The following FRYL variants were observed in gnomAD, a reference collection of about 807,000 sequenced individuals.
FRYL encodes the protein protein furry homolog-like.
Under a neutral mutation model 351.2 loss-of-function variants are expected in FRYL, and 150 were observed. The observed-to-expected ratio is 0.43, with a 90% CI of 0.37 to 0.49. The LOEUF (loss-of-function observed/expected upper bound fraction) is 0.49, where lower values mean the gene tolerates loss of function less well. Ranked by LOEUF, FRYL falls within the 20% of genes least tolerant of loss-of-function variation. The pLI is 0.00. For synonymous variants in FRYL, 1,153 were observed against 1,257.1 expected, an observed-to-expected ratio of 0.92 and a Z score of 1.75; for missense variants, 3,036 against 3,619.3, an observed-to-expected ratio of 0.84 and a Z score of 4.13.
At chr4:48,578,030 G>A (rs781444965) in intron 23 of FRYL, among the ~76,000 whole-genome samples, 3 of 151,398 alleles carry the variant, frequency 2.0e-5, no homozygotes, top group Non-Finnish European at 4.4e-5. Flanking sequence ...CTCTGGGTAG[G>A]AAGTTTAAGA....
intron 4 of FRYL, among the ~76,000 whole-genome samples, chr4:48,626,121 T>C (rs531682766): frequency 5.3e-5 from 8 of 152,214 alleles, no homozygotes; most frequent in African/African-American, 1.4e-4. Flanking sequence ...AAGTTATGGT[T>C]ACAGAATAAA....
chr4:48,691,399 A>T (rs185276752), intron 2 of FRYL, among the ~76,000 whole-genome samples: 2 of 152,304 alleles, frequency 1.3e-5, no homozygotes, highest in African/African-American at 2.4e-5. Context: ...CAATTTTTTT[A>T]AAAATATATT....
chr4:48,773,684 G>T (rs1775739672), intron 1 of FRYL, among the ~76,000 whole-genome samples: 2 of 152,178 alleles, frequency 1.3e-5, no homozygotes, highest in Admixed American at 6.5e-5. Context: ...CCAGCACTTT[G>T]GGAGGCCAAG....
chr4:48,499,634 C>A lies in FRYL; in HGVS notation c.8830G>T (p.Val2944Leu). Residue 2944 changes from valine (V) to leucine (L), a missense_variant, in exon 64 of 64, where the codon GTA becomes TTA. Val to Leu is a conservative substitution (Grantham distance 32). This residue lies in a region of FRYL where 1,987 missense variants were observed against 2,311.7 expected (regional missense o/e 0.86). Coordinates refer to ENST00000358350, the MANE Select transcript of FRYL (RefSeq NM_015030.2). ...AAATATATATGTAACAGTGTCTGTA[C>A]AGGGTCATCTTCACAACTGCCAAAG... ...DIFGSCEDDP[V>L]QTLLHIYFHH... The A allele has an allele frequency of 1.2e-6, 2 of 1,613,918 alleles. No individual in the cohort carries two copies. Among genetic ancestry groups the A allele is most frequent in the Non-Finnish European group, 1.7e-6 (2 of 1,179,794 alleles).
In FRYL at chr4:48,512,450, T is replaced by C. The variant is rs1339210619; in HGVS notation, c.8145+31A>G. ...CTGTAACTTGATTAGGTAACTATAA[T>C]ATGAATTCAGAAACCCTGAACCTCA... is the stretch of plus-strand genomic sequence containing the variant. On this transcript the variant is annotated intron_variant, in intron 57 of 63. Coordinates refer to ENST00000358350, the MANE Select transcript of FRYL (RefSeq NM_015030.2). The C allele has an allele frequency of 8.0e-6, 12 of 1,492,538 alleles. No homozygotes were observed. The African/African-American group carries it at 1.7e-4, about 21-fold the overall frequency. 92.5% of individuals were successfully genotyped at this position (1,492,538 alleles called of 1,614,324 possible).
intron 1 of FRYL, among the ~76,000 whole-genome samples, chr4:48,716,111 T>C (rs966922841): frequency 6.6e-6 from 1 of 152,156 alleles, no homozygotes; most frequent in Non-Finnish European, 1.5e-5. Flanking sequence ...TTACACCTTA[T>C]ACAAAAATCA....
intron 3 of FRYL, chr4:48,637,017 A>G (rs1754367754): frequency 6.6e-6 from 1 of 152,126 alleles, no homozygotes; most frequent in Admixed American, 6.6e-5. Flanking sequence ...AAGAGTATGT[A>G]TATAAAACCA....
chr4:48,737,259 GAAAAAA>G (rs368219531), intron 1 of FRYL, among the ~76,000 whole-genome samples: 2 of 97,706 alleles, frequency 2.0e-5, no homozygotes, highest in Non-Finnish European at 3.9e-5. Context: ...CTCCATCACA[GAAAAAA>G]AAAAAAAAAA....
intron 3 of FRYL, among the ~76,000 whole-genome samples, chr4:48,657,507 G>A (rs1275781350): frequency 2.0e-5 from 3 of 151,806 alleles, no homozygotes; most frequent in Non-Finnish European, 2.9e-5. Context: ...ACTAAGTCAC[G>A]GCCACCGCCT....
intron 43 of FRYL, 92 bp from the exon 44 acceptor site, chr4:48,544,089 C>T: frequency 9.6e-7 from 1 of 1,046,242 alleles, no homozygotes; most frequent in Non-Finnish European, 1.4e-6. Context: ...AAGCTAGCAG[C>T]TAGCACACTT....
chr4:48,521,298 G>A lies in FRYL; in HGVS notation c.7522-83C>T, dbSNP rs569677673. ...CATTCTCTATCATAAAATATTTTAG[G>A]GGCTTCGTTATAAAGAGCTTCTGAG... On this transcript the variant is annotated intron_variant, in intron 54 of 63. Coordinates refer to ENST00000358350, the MANE Select transcript of FRYL (RefSeq NM_015030.2). 9.2e-5 allele frequency: 93 copies of A among 1,007,404 alleles called. No individual in the cohort carries two copies. The African/African-American group carries it at 1.4e-3, about 15-fold the overall frequency. 62.4% of individuals were successfully genotyped at this position (1,007,404 alleles called of 1,614,324 possible). A position where few individuals can be genotyped will look rare whatever the true frequency, so the allele number is the denominator to read the frequency against.
chr4:48,531,051 A>G (rs539441875), intron 50 of FRYL, 105 bp downstream of exon 50: 1 of 782,300 alleles, frequency 1.3e-6, no homozygotes, highest in African/African-American at 1.7e-5. Context: ...CATATTGTCT[A>G]ACACTGGGTA....
chr4:48,761,618 T>C (rs1774428297), intron 1 of FRYL, among the ~76,000 whole-genome samples: 1 of 152,226 alleles, frequency 6.6e-6, no homozygotes, highest in Non-Finnish European at 1.5e-5. Flanking sequence ...TAATCTTTTA[T>C]GCCCTATGTC....
chr4:48,690,233 G>A (rs558699476), intron 2 of FRYL, among the ~76,000 whole-genome samples: 3 of 152,048 alleles, frequency 2.0e-5, no homozygotes, highest in Non-Finnish European at 4.4e-5. Context: ...TTTACTATTC[G>A]TAGTAAAAAG....
chr4:48,721,355 T>C (rs1176689823), intron 1 of FRYL, among the ~76,000 whole-genome samples: 1 of 136,890 alleles, frequency 7.3e-6, no homozygotes, highest in Non-Finnish European at 1.6e-5. Flanking sequence ...TATATGTAGA[T>C]TTTTTTTTTT....
intron 1 of FRYL, among the ~76,000 whole-genome samples, chr4:48,763,584 T>G (rs752272036): frequency 6.6e-6 from 1 of 152,072 alleles, no homozygotes; most frequent in African/African-American, 2.4e-5. Flanking sequence ...ATCAAGGCAA[T>G]GAGTAAAGAA....
intron 3 of FRYL, among the ~76,000 whole-genome samples, chr4:48,666,736 T>G (rs1311289680): frequency 2.0e-5 from 3 of 152,144 alleles, no homozygotes; most frequent in African/African-American, 7.2e-5. Flanking sequence ...TTGATTACAA[T>G]GAACGTTTCA....
At chr4:48,560,140 G>A (rs1006510170) in intron 33 of FRYL, among the ~76,000 whole-genome samples, 1 of 152,142 alleles carries the variant, frequency 6.6e-6, no homozygotes, top group African/African-American at 2.4e-5. Flanking sequence ...AGAATGGGAA[G>A]GGCCTCAGAG....
At chr4:48,558,078 T>A (rs187690103) in intron 33 of FRYL, among the ~76,000 whole-genome samples, 422 of 152,180 alleles carry the variant, frequency 2.8e-3, no homozygotes, top group Middle Eastern at 0.014. Flanking sequence ...TTGAAAAAAA[T>A]TGAAAGCAGA....
Sources: allele counts gnomAD v4.1 joint callset (sites outside exome capture counted in the v4.1 genomes callset), GRCh38; gene constraint gnomAD v4.1.1; regional missense constraint gnomAD v4.1.1; transcripts MANE v1.5; gene names NCBI Gene and HGNC (gene_info 2026-07-23, HGNC 2026-07-21).